MYO5A: variants seen among roughly 807,000 people sequenced by gnomAD.
The protein encoded by MYO5A is myosin VA.
Under a neutral mutation model 249.7 loss-of-function variants are expected in MYO5A, and 98 were observed. The observed-to-expected ratio is 0.39, with a 90% CI of 0.33 to 0.46. The LOEUF is 0.46. Ranked by LOEUF, MYO5A falls within the 20% of genes least tolerant of loss-of-function variation. The probability of loss-of-function intolerance (pLI) is 0.98; values close to 1 mark genes in which losing one functional copy is unlikely to be tolerated. For missense variants in MYO5A, 1,696 were observed against 2,308.8 expected (o/e 0.73, Z 5.44); for synonymous variants, 778 against 810.6 (o/e 0.96, Z 0.68).
At chr15:52,405,841 T>C (rs2042981044) in intron 8 of MYO5A, among the ~76,000 whole-genome samples, 1 of 152,250 alleles carries the variant, frequency 6.6e-6, no homozygotes, top group African/African-American at 2.4e-5. Context: ...GGTTTAAAAT[T>C]AATAGTATTA....
chr15:52,406,286 A>G (rs966723862), intron 8 of MYO5A, among the ~76,000 whole-genome samples: 12 of 152,070 alleles, frequency 7.9e-5, no homozygotes, highest in African/African-American at 2.9e-4. Context: ...TTTTTTTGAC[A>G]CACAGTCTCA....
chr15:52,393,303 A>G (rs2042335160), intron 11 of MYO5A, among the ~76,000 whole-genome samples: 2 of 152,014 alleles, frequency 1.3e-5, no homozygotes, highest in Admixed American at 6.6e-5. Flanking sequence ...AAGATTTCCA[A>G]TGCATACTCT....
At chr15:52,502,668 G>T (rs1595804924) in intron 1 of MYO5A, among the ~76,000 whole-genome samples, 3 of 152,178 alleles carry the variant, frequency 2.0e-5, no homozygotes, top group Non-Finnish European at 2.9e-5. Context: ...AAAGGCAGAT[G>T]AACACATACA....
At chr15:52,523,677 A>C (rs1345071266) in intron 1 of MYO5A, among the ~76,000 whole-genome samples, 1 of 152,222 alleles carries the variant, frequency 6.6e-6, no homozygotes, top group Non-Finnish European at 1.5e-5. Flanking sequence ...ATTAGAATTG[A>C]TATAGAAGAA....
At chr15:52,344,710 C>A (rs1451764539) in intron 30 of MYO5A, among the ~76,000 whole-genome samples, 3 of 152,208 alleles carry the variant, frequency 2.0e-5, no homozygotes, top group African/African-American at 4.8e-5. Flanking sequence ...ACACCATTCT[C>A]CTACTTAACA....
At chr15:52,396,271 A>G (rs1380348125) in intron 11 of MYO5A, 45 bp downstream of exon 11, 2 of 1,129,172 alleles carry the variant, frequency 1.8e-6, no homozygotes, top group East Asian at 4.8e-5. Context: ...GGAATTCAAG[A>G]GAATAATTTA....
Position 52,330,478 on chromosome 15 carries a change from G to A in MYO5A, c.4430C>T (p.Ser1477Phe), listed in dbSNP as rs141698310. ...GGGTTCATCAATGATCTGTCCTGGG[G>A]ATATGTTCTCCATCTGGCCCACTTT... Reference protein sequence around the residue: ...ELEVGQMENISPGQIIDEPIR... With the variant: ...ELEVGQMENIFPGQIIDEPIR... Residue 1477 changes from serine to phenylalanine, a missense_variant, in exon 35 of 42, where the codon TCC becomes TTC. By Grantham distance (155) the Ser-to-Phe change is radical. Coordinates refer to ENST00000399233, the MANE Select transcript of MYO5A (RefSeq NM_001382347.1). 1.9e-6 allele frequency: 3 copies of A among 1,614,042 alleles called. No homozygotes were observed. Among genetic ancestry groups the A allele is most frequent in the African/African-American group, 1.3e-5 (1 of 74,994 alleles).
intron 5 of MYO5A, among the ~76,000 whole-genome samples, chr15:52,414,245 C>T (rs747686472): frequency 2.6e-5 from 4 of 152,072 alleles, no homozygotes; most frequent in Admixed American, 6.6e-5. Context: ...TTATGCAGCA[C>T]GCCGGCCCTC....
At chr15:52,443,583 T>C (rs2462852) in intron 1 of MYO5A, among the ~76,000 whole-genome samples, 142,139 of 151,484 alleles carry the variant, frequency 0.94, 67,351 homozygotes, top group East Asian at 1. Flanking sequence ...TGGTGGTGGG[T>C]GCCTGTAATC....
At chr15:52,371,178 G>GTTTA (rs2041093776) in intron 21 of MYO5A, among the ~76,000 whole-genome samples, 1 of 150,614 alleles carries the variant, frequency 6.6e-6, no homozygotes, top group Admixed American at 6.6e-5. Context: ...AAATCTTTAT[G>GTTTA]TTTACTACCT....
At chr15:52,441,430 C>A (rs2075784076) in intron 1 of MYO5A, among the ~76,000 whole-genome samples, 2 of 152,118 alleles carry the variant, frequency 1.3e-5, no homozygotes. Flanking sequence ...ACTACTTACG[C>A]TATTGAAGGC....
At chr15:52,421,808 G>A (rs1168860968) in intron 4 of MYO5A, among the ~76,000 whole-genome samples, 2 of 152,222 alleles carry the variant, frequency 1.3e-5, no homozygotes, top group Non-Finnish European at 2.9e-5. Context: ...TGATAAAACG[G>A]AGACTCAGGG....
rs2040588189 is a variant in MYO5A at position 52,362,597 on chromosome 15, T to G, written c.3309+1957A>C. ...ATCTCCCTTCCTCTGCTTTCTCCTTTTCCCTTCCTCTGACCATTTTGTCTC... is the reference window on the plus strand; with the variant it reads ...ATCTCCCTTCCTCTGCTTTCTCCTTGTCCCTTCCTCTGACCATTTTGTCTC... On this transcript the variant is annotated intron_variant, in intron 24 of 41. Transcript: ENST00000399233. Among the ~76,000 whole-genome samples, 2 of 152,206 alleles carry G rather than the reference T, an allele frequency of 1.3e-5. 1 individual carries two copies. The highest frequency in any genetic ancestry group is 4.1e-4 in the South Asian group (2 of 4,832).
At chr15:52,501,375 G>A (rs1422780547) in intron 1 of MYO5A, among the ~76,000 whole-genome samples, 2 of 152,162 alleles carry the variant, frequency 1.3e-5, no homozygotes, top group African/African-American at 4.8e-5. Context: ...CAAGGAGGGA[G>A]GATCGCTTGA....
intron 1 of MYO5A, among the ~76,000 whole-genome samples, chr15:52,459,377 G>T (rs1321736622): frequency 6.6e-6 from 1 of 151,718 alleles, no homozygotes; most frequent in Admixed American, 6.6e-5. Context: ...GACTCTTAAC[G>T]ACTATGCTGC....
intron 1 of MYO5A, among the ~76,000 whole-genome samples, chr15:52,442,744 A>G (rs2075808726): frequency 7.1e-6 from 1 of 139,982 alleles, no homozygotes. Flanking sequence ...ACCCATTGTT[A>G]AAACAGTTTT....
At chr15:52,407,981 T>C (rs1198497848) in intron 7 of MYO5A, 78 bp downstream of exon 7, 8 of 1,003,114 alleles carry the variant, frequency 8.0e-6, no homozygotes, top group African/African-American at 1.6e-5. Flanking sequence ...ATAAGCTCCT[T>C]TTTAACAAGT....
intron 38 of MYO5A, among the ~76,000 whole-genome samples, 195 bp from the exon 39 acceptor site, chr15:52,319,537 C>T (rs1025161561): frequency 2.6e-5 from 4 of 152,140 alleles, no homozygotes; most frequent in African/African-American, 9.7e-5. Context: ...TCAAGACCAG[C>T]CTGGCCAACA....
intron 1 of MYO5A, among the ~76,000 whole-genome samples, chr15:52,439,004 T>C (rs531434088): frequency 6.6e-6 from 1 of 152,362 alleles, no homozygotes; most frequent in East Asian, 1.9e-4. Context: ...CGTTCCTGCA[T>C]GGCTAAGTGC....
Sources: gnomAD v4.1 joint callset for allele counts (sites outside exome capture counted in the v4.1 genomes callset) on GRCh38, gnomAD v4.1.1 for gene constraint, MANE v1.5 for transcripts, NCBI Gene and HGNC (gene_info 2026-07-23, HGNC 2026-07-21) for gene names.